The following MSRA variants were observed in gnomAD, a reference collection of about 807,000 sequenced individuals.
MSRA encodes mitochondrial peptide methionine sulfoxide reductase.
Under a neutral mutation model 31.3 loss-of-function variants are expected in MSRA, and 54 were observed. That is an observed-to-expected ratio of 1.73 (90% CI 1.39 to 2.17). The LOEUF (loss-of-function observed/expected upper bound fraction) is 2.17, where lower values mean the gene tolerates loss of function less well. MSRA is among the 30% of genes most tolerant of loss of function. The pLI is 0.00. For missense variants in MSRA, 507 were observed against 300.9 expected, an observed-to-expected ratio of 1.69 and a Z score of -5.07; for synonymous variants, 169 against 116.5, an observed-to-expected ratio of 1.45 and a Z score of -2.90.
chr8:10,311,916 GAAA>G (rs903215754), intron 4 of MSRA, among the ~76,000 whole-genome samples: 1 of 152,064 alleles, frequency 6.6e-6, no homozygotes, highest in Admixed American at 6.6e-5. Flanking sequence ...GAGCTTGCCT[GAAA>G]AAAACAAATC....
At chr8:10,097,341 C>G (rs1048611522) in intron 1 of MSRA, among the ~76,000 whole-genome samples, 2 of 152,102 alleles carry the variant, frequency 1.3e-5, no homozygotes, top group East Asian at 1.9e-4. Flanking sequence ...CTCCTTTATA[C>G]ACTACGTCGC....
At chr8:10,398,160 G>A (rs1807219089) in intron 5 of MSRA, among the ~76,000 whole-genome samples, 1 of 152,334 alleles carries the variant, frequency 6.6e-6, no homozygotes. Flanking sequence ...GGACTCTCTA[G>A]TAGCCTTTCC....
intron 5 of MSRA, among the ~76,000 whole-genome samples, chr8:10,381,846 C>G (rs146427617): frequency 5.3e-5 from 8 of 152,290 alleles, no homozygotes; most frequent in African/African-American, 1.9e-4. Flanking sequence ...TCTTTAGGGA[C>G]TGGAAAAATC....
intron 5 of MSRA, among the ~76,000 whole-genome samples, chr8:10,396,345 T>G (rs1807098045): frequency 6.6e-6 from 1 of 152,222 alleles, no homozygotes; most frequent in Admixed American, 6.5e-5. Flanking sequence ...TGAAGGAATA[T>G]GTAACATTTT....
At chr8:10,300,827 C>G (rs1293033483) in intron 3 of MSRA, among the ~76,000 whole-genome samples, 1 of 152,138 alleles carries the variant, frequency 6.6e-6, no homozygotes, top group Non-Finnish European at 1.5e-5. Flanking sequence ...TTCACAGGTA[C>G]AAGCAGTACT....
intron 5 of MSRA, among the ~76,000 whole-genome samples, chr8:10,371,850 T>C (rs1182381343): frequency 6.6e-6 from 1 of 152,178 alleles, no homozygotes; most frequent in Non-Finnish European, 1.5e-5. Flanking sequence ...TGGGACATGG[T>C]TGACTTGGCA....
chr8:10,370,764 C>T (rs949581761), intron 5 of MSRA, among the ~76,000 whole-genome samples: 4 of 152,250 alleles, frequency 2.6e-5, no homozygotes, highest in East Asian at 1.9e-4. Flanking sequence ...GTCAAAGATG[C>T]CCCATGGCAT....
chr8:10,236,576 A>T (rs2129076249), intron 2 of MSRA, among the ~76,000 whole-genome samples: 1 of 152,286 alleles, frequency 6.6e-6, no homozygotes, highest in East Asian at 1.9e-4. Flanking sequence ...ATGGAGTCTC[A>T]CTCGCTCACT....
chr8:10,111,220 G>T (rs1800255963), intron 1 of MSRA, among the ~76,000 whole-genome samples: 1 of 152,182 alleles, frequency 6.6e-6, no homozygotes, highest in African/African-American at 2.4e-5. Flanking sequence ...GGCAGTACAT[G>T]AATGTATGGA....
chr8:10,251,869 G>T (rs56730365), intron 3 of MSRA, among the ~76,000 whole-genome samples: 46,404 of 151,436 alleles, frequency 0.31, 7,295 homozygotes, highest in Admixed American at 0.38. Context: ...GGTGGGGGGG[G>T]GGGGACATAG....
At chr8:10,300,053 G>A (rs577967628) in intron 3 of MSRA, among the ~76,000 whole-genome samples, 1 of 152,242 alleles carries the variant, frequency 6.6e-6, no homozygotes, top group South Asian at 2.1e-4. Context: ...AAGTTTTAGT[G>A]ACATGGGGAA....
intron 3 of MSRA, among the ~76,000 whole-genome samples, chr8:10,261,660 A>G (rs1798491754): frequency 6.6e-6 from 1 of 152,194 alleles, no homozygotes; most frequent in African/African-American, 2.4e-5. Flanking sequence ...CTTGGCTATT[A>G]ACATCTTAGT....
chr8:10,146,916 G>A (rs1803191846), intron 1 of MSRA, among the ~76,000 whole-genome samples: 1 of 152,178 alleles, frequency 6.6e-6, no homozygotes, highest in African/African-American at 2.4e-5. Flanking sequence ...AAGTTTTAAA[G>A]TAGGGTCTTG....
At chr8:10,190,405 T>C (rs1029242794) in intron 1 of MSRA, among the ~76,000 whole-genome samples, 1 of 152,138 alleles carries the variant, frequency 6.6e-6, no homozygotes, top group Non-Finnish European at 1.5e-5. Flanking sequence ...CCTGCCCCCG[T>C]CAGTGCCTGG....
intron 5 of MSRA, among the ~76,000 whole-genome samples, chr8:10,349,671 G>T (rs1804003959): frequency 6.6e-6 from 1 of 152,232 alleles, no homozygotes; most frequent in South Asian, 2.1e-4. Flanking sequence ...TCTGTGCCTA[G>T]TACGGGGCCT....
chr8:10,069,007 C>G (rs1797601491), intron 1 of MSRA, among the ~76,000 whole-genome samples: 1 of 152,074 alleles, frequency 6.6e-6, no homozygotes, highest in Admixed American at 6.6e-5. Flanking sequence ...TTTATTAATA[C>G]CAAAATATTT....
intron 1 of MSRA, among the ~76,000 whole-genome samples, chr8:10,056,925 G>A (rs1802406485): frequency 2.0e-5 from 3 of 152,140 alleles, no homozygotes; most frequent in East Asian, 1.9e-4. Context: ...TCTTTAGTGC[G>A]TTTAGATAAG....
chr8:10,136,209 G>T (rs777188987), intron 1 of MSRA, among the ~76,000 whole-genome samples: 14 of 152,190 alleles, frequency 9.2e-5, no homozygotes, highest in Non-Finnish European at 1.8e-4. Context: ...GGAGCTCTGC[G>T]GTGCAGAGAG....
intron 1 of MSRA, among the ~76,000 whole-genome samples, chr8:10,164,991 G>A (rs773370415): frequency 6.6e-6 from 1 of 152,154 alleles, no homozygotes; most frequent in Admixed American, 6.5e-5. Context: ...TCATGCCACT[G>A]CACTCCACCC....
Sources: gnomAD v4.1 joint callset for allele counts (sites outside exome capture counted in the v4.1 genomes callset) on GRCh38, gnomAD v4.1.1 for gene constraint, MANE v1.5 for transcripts, NCBI Gene and HGNC (gene_info 2026-07-23, HGNC 2026-07-21) for gene names.